SVEP1: variants seen among roughly 807,000 people sequenced by gnomAD.
SVEP1 encodes sushi, von Willebrand factor type A, EGF and pentraxin domain containing 1.
Under a neutral mutation model 367.3 loss-of-function variants are expected in SVEP1, and 164 were observed. The observed-to-expected ratio is 0.45, with a 90% confidence interval of 0.39 to 0.51. The LOEUF is 0.51. Among genes scored for constraint, SVEP1 ranks in the 20% least tolerant of loss-of-function variants. The pLI is 0.00. For missense variants in SVEP1, 4,117 were observed against 4,425.3 expected (o/e 0.93, Z 1.98); for synonymous variants, 1,666 against 1,611.6 (o/e 1.03, Z -0.81).
chr9:110,461,710 A>G (rs909937618), intron 18 of SVEP1, among the ~76,000 whole-genome samples: 1 of 152,230 alleles, frequency 6.6e-6, no homozygotes, highest in Non-Finnish European at 1.5e-5. Flanking sequence ...AAAGAGCTCA[A>G]TGAAGAGATG....
chr9:110,539,526 G>A (rs1830118420), intron 3 of SVEP1, among the ~76,000 whole-genome samples: 1 of 151,800 alleles, frequency 6.6e-6, no homozygotes, highest in South Asian at 2.1e-4. Flanking sequence ...ATATGAAGAT[G>A]CTACTTTGTA....
intron 1 of SVEP1, among the ~76,000 whole-genome samples, chr9:110,553,099 C>T (rs1830312001): frequency 6.6e-6 from 1 of 152,148 alleles, no homozygotes; most frequent in Admixed American, 6.5e-5. Flanking sequence ...CAACAAAGAC[C>T]ATCATGACTA....
chr9:110,439,880 CTTGG>C (rs1279312143), intron 27 of SVEP1, among the ~76,000 whole-genome samples: 1 of 152,142 alleles, frequency 6.6e-6, no homozygotes, highest in African/African-American at 2.4e-5. Flanking sequence ...GTAAGAGTTT[CTTGG>C]TTTTATTTTC....
At chr9:110,458,414 TG>T in intron 20 of SVEP1, 56 bp downstream of exon 20, 1 of 1,476,532 alleles carries the variant, frequency 6.8e-7, no homozygotes, top group South Asian at 1.2e-5. Flanking sequence ...ATGTGTAAAA[TG>T]ACAAATTGCT....
intron 37 of SVEP1, among the ~76,000 whole-genome samples, chr9:110,409,246 G>A (rs1162462580): frequency 1.3e-5 from 2 of 152,098 alleles, no homozygotes; most frequent in Non-Finnish European, 2.9e-5. Context: ...GACCAGCCTG[G>A]CCAACATGGT....
chr9:110,411,009 T>C lies in SVEP1; in HGVS notation c.6648+54A>G. The C allele has an allele frequency of 2.7e-6, 4 of 1,455,064 alleles. No individual in the cohort carries two copies. The South Asian group carries it at 6.0e-5, about 22-fold the overall frequency. 90.1% of individuals were successfully genotyped at this position (1,455,064 alleles called of 1,614,324 possible). The stretch of plus-strand genomic sequence containing the variant: ...TCAATTATTTGTTTTGTTTATTTAT[T>C]TATTATGGGCCCTGTGACAAAAGCC... On this transcript the variant is annotated intron_variant, in intron 37 of 47. Transcript: ENST00000374469.
At chr9:110,516,697 G>A (rs1294560965) in intron 3 of SVEP1, among the ~76,000 whole-genome samples, 1 of 152,080 alleles carries the variant, frequency 6.6e-6, no homozygotes, top group Non-Finnish European at 1.5e-5. Context: ...AGTTTAAAAT[G>A]TAAATGAAAA....
At chr9:110,417,136 C>G (rs904012159) in intron 36 of SVEP1, among the ~76,000 whole-genome samples, 2 of 151,832 alleles carry the variant, frequency 1.3e-5, no homozygotes, top group South Asian at 2.1e-4. Flanking sequence ...ATAGGAACAG[C>G]TCCGGTCTAC....
intron 1 of SVEP1, among the ~76,000 whole-genome samples, chr9:110,577,154 A>G (rs1830636593): frequency 1.3e-5 from 2 of 152,100 alleles, no homozygotes; most frequent in Admixed American, 1.3e-4. Context: ...TGAATTTAAA[A>G]TTCATATTAA....
intron 8 of SVEP1, among the ~76,000 whole-genome samples, chr9:110,494,602 TTTC>T (rs1180178432): frequency 6.6e-5 from 10 of 152,296 alleles, no homozygotes; most frequent in Non-Finnish European, 7.4e-5. Context: ...TACCAAGAAA[TTTC>T]TTTTTTTGGA....
At chr9:110,533,576 G>T (rs1390444747) in intron 3 of SVEP1, among the ~76,000 whole-genome samples, 2 of 127,678 alleles carry the variant, frequency 1.6e-5, no homozygotes, top group Non-Finnish European at 3.4e-5. Flanking sequence ...GATACCCGGG[G>T]TTACTATCTC....
At chr9:110,549,461 G>A (rs375666644) in intron 2 of SVEP1, among the ~76,000 whole-genome samples, 2 of 151,988 alleles carry the variant, frequency 1.3e-5, no homozygotes, top group South Asian at 2.1e-4. Context: ...GAAACATTCT[G>A]GTAAGTTTCA....
At chr9:110,514,195 G>T in intron 3 of SVEP1, 89 bp from the exon 4 acceptor site, 1 of 1,492,090 alleles carries the variant, frequency 6.7e-7, no homozygotes, top group Non-Finnish European at 9.1e-7. Flanking sequence ...GGGAGAGAAA[G>T]CCAAACAATA....
intron 3 of SVEP1, among the ~76,000 whole-genome samples, chr9:110,528,792 T>C (rs1359507734): frequency 1.3e-5 from 2 of 151,722 alleles, no homozygotes; most frequent in Admixed American, 6.6e-5. Flanking sequence ...ATTATGGCTA[T>C]GCAGAAGCTT....
intron 39 of SVEP1, among the ~76,000 whole-genome samples, chr9:110,402,662 T>C (rs1218355703): frequency 6.6e-6 from 1 of 152,112 alleles, no homozygotes; most frequent in Non-Finnish European, 1.5e-5. Context: ...GGGGACCCAG[T>C]TGTCTACACA....
intron 14 of SVEP1, chr9:110,475,908 C>T (rs371849664): frequency 4.3e-6 from 1 of 231,654 alleles, no homozygotes. Context: ...GACTTTATTA[C>T]TATTCTCTTT....
In SVEP1 at chr9:110,375,515, G is replaced by A. The variant is rs909863030; in HGVS notation, c.10505-52C>T. The A allele has an allele frequency of 1.1e-4, 157 of 1,435,726 alleles. 1 individual carries two copies. The highest frequency in any genetic ancestry group is 2.7e-4 in the African/African-American group (18 of 67,480). The allele number at this position is 1,435,726 out of a possible 1,614,324, so 88.9% of individuals were successfully genotyped here. A position where few individuals can be genotyped will look rare whatever the true frequency, so the allele number is the denominator to read the frequency against. On this transcript the variant is annotated intron_variant, in intron 45 of 47. Transcript: ENST00000374469. ...AGGAGGCAGGGGGGATTGAAATGGC[G>A]TTGATCAAAGTACACATCTTAGATA...
chr9:110,558,033 C>A (rs537265235), intron 1 of SVEP1, among the ~76,000 whole-genome samples: 1 of 152,064 alleles, frequency 6.6e-6, no homozygotes, highest in Admixed American at 6.6e-5. Context: ...TTTAAGTAGA[C>A]ACATGTGGCT....
rs547872664 is a variant in SVEP1, at chr9:110,536,403, A to G, written c.964+9712T>C. ...TTCCTCTTCTGCAAATGAGAAATGT[A>G]TGTAAGGCAAAGACTTTGCAAGTGG... On this transcript the variant is annotated intron_variant, in intron 3 of 47. Coordinates refer to ENST00000374469, the MANE Select transcript of SVEP1 (RefSeq NM_153366.4). 9.7e-4 allele frequency among the ~76,000 whole-genome samples: 147 copies of G among 152,124 alleles called. 1 individual carries two copies. The highest frequency in any genetic ancestry group is 3.3e-3 in the African/African-American group (137 of 41,560).
Sources: gnomAD v4.1 joint callset for allele counts (sites outside exome capture counted in the v4.1 genomes callset) on GRCh38, gnomAD v4.1.1 for gene constraint, MANE v1.5 for transcripts, NCBI Gene and HGNC (gene_info 2026-07-23, HGNC 2026-07-21) for gene names.